Variants in WNT5B observed in about 807,000 individuals in gnomAD.
The protein encoded by WNT5B is protein Wnt-5b.
A neutral mutation model predicts 36.5 loss-of-function variants in WNT5B; 18 were observed. That is an observed-to-expected ratio of 0.49 (90% CI 0.34 to 0.73). WNT5B has a LOEUF of 0.73. Ranked by LOEUF, WNT5B falls within the 30% of genes least tolerant of loss-of-function variation. The probability of loss-of-function intolerance (pLI) is 0.01; values close to 1 mark genes in which losing one functional copy is unlikely to be tolerated. For synonymous variants in WNT5B, 213 were observed against 212.3 expected, an observed-to-expected ratio of 1.00 and a Z score of -0.03; for missense variants, 424 against 508.4, an observed-to-expected ratio of 0.83 and a Z score of 1.60.
At chr12:1,623,184 G>GGTTTTTTTTTTTTTTTTTT (rs1272170104) in intron 1 of WNT5B, among the ~76,000 whole-genome samples, 1 of 53,516 alleles carries the variant, frequency 1.9e-5, no homozygotes, top group African/African-American at 7.4e-5. Context: ...AGGGTTTTTT[G>GGTTTTTTTTTTTTTTTTTT]TTGTTTTTTT....
Position 1,646,338 on chromosome 12 carries a change from G to T in WNT5B, c.*86G>T, listed in dbSNP as rs955952092. Reference sequence around the variant, plus strand: ...ATCTATATAAATCTATTTTATATTTGTATAAGTAAATGGGTGGGTGCTATA... The same window carrying T: ...ATCTATATAAATCTATTTTATATTTTTATAAGTAAATGGGTGGGTGCTATA... On this transcript the variant is annotated 3_prime_UTR_variant, in exon 5 of 5. Transcript: ENST00000397196. 8.7e-6 allele frequency: 10 copies of T among 1,149,750 alleles called. No individual in the cohort carries two copies. The highest frequency in any genetic ancestry group is 7.9e-5 in the African/African-American group (5 of 63,380). 71.2% of individuals were successfully genotyped at this position (1,149,750 alleles called of 1,614,324 possible).
At position 1,618,851 on chromosome 12, in the gene WNT5B, C is replaced by T. The variant is rs1216633702; in HGVS notation, c.-58+1708C>T. Among the ~76,000 whole-genome samples, 1 of 152,184 alleles carries T rather than the reference C, an allele frequency of 6.6e-6. No individual in the cohort carries two copies. The highest frequency in any genetic ancestry group is 1.5e-5 in the Non-Finnish European group (1 of 68,030). ...ACAGTGCATGAGTTGGTCACTTTCA[C>T]ACTGCTCCAGGCACCAGGAGTTGGA... On this transcript the variant is annotated intron_variant, in intron 1 of 4. Coordinates refer to the WNT5B transcript ENST00000310594. This position sits in a 1 kb window ranked among gnomAD's most constrained non-coding sequence, Gnocchi z 4.1.
rs747601596 is a variant in WNT5B at position 1,632,867 on chromosome 12, C to T, written c.290C>T (p.Ala97Val). 6.2e-6 allele frequency: 10 copies of T among 1,613,868 alleles called. No homozygotes were observed. Among genetic ancestry groups the T allele is most frequent in the African/African-American group, 4.0e-5 (3 of 75,034 alleles). ...CAGCGGCGGTGGAATTGCAGCACAG[C>T]GGACAACGCATCTGTCTTTGGGAGA... ...FRQRRWNCST[A>V]DNASVFGRVM... Residue 97 changes from alanine (A) to valine (V), a missense_variant, in exon 3 of 5, where the codon GCG becomes GTG. Transcript: ENST00000397196. The surrounding 1 kb of genome is among the most constrained non-coding windows in gnomAD (Gnocchi z 5.8).
rs2094529708 is a variant in WNT5B, at chr12:1,618,408, A to T, written c.-58+1265A>T. On this transcript the variant is annotated intron_variant, in intron 1 of 4. Coordinates refer to the WNT5B transcript ENST00000310594. The surrounding 1 kb of genome is among the most constrained non-coding windows in gnomAD (Gnocchi z 4.1). The stretch of plus-strand genomic sequence containing the variant: ...TGCAGAAAACAGTAGCAATTGCACA[A>T]ATAAATGTTTTTCCCCTATAGTACA... Among the ~76,000 whole-genome samples, 1 of 152,178 alleles carries T rather than the reference A, an allele frequency of 6.6e-6. No homozygotes were observed. The highest frequency in any genetic ancestry group is 2.1e-4 in the South Asian group (1 of 4,836).
At position 1,632,509 on chromosome 12, in the gene WNT5B, G is replaced by A. The variant is rs920417261; in HGVS notation, c.81-149G>A. On this transcript the variant is annotated intron_variant, in intron 2 of 4. Coordinates refer to ENST00000397196, the MANE Select transcript of WNT5B (RefSeq NM_032642.3). This position sits in a 1 kb window ranked among gnomAD's most constrained non-coding sequence, Gnocchi z 5.8. ...GATTCCTTCAGTTTGTCCTTTGAAG[G>A]CCAGCACTCTGATTTACTAATTTTT... 1 of 1,165,498 alleles carries A rather than the reference G, an allele frequency of 8.6e-7. No homozygotes were observed. The highest frequency in any genetic ancestry group is 1.2e-6 in the Non-Finnish European group (1 of 837,454). 72.2% of individuals were successfully genotyped at this position (1,165,498 alleles called of 1,614,324 possible). A position where few individuals can be genotyped will look rare whatever the true frequency, so the allele number is the denominator to read the frequency against.
upstream of WNT5B, chr12:1,629,052 A>ATTTT (rs1287262313): frequency 7.8e-3 from 1,172 of 150,722 alleles, 14 homozygotes; most frequent in African/African-American, 0.028. Context: ...AATTTTTAAA[A>ATTTT]AAAAAAACAT....
Position 1,645,807 on chromosome 12 carries a change from T to C in WNT5B, c.635T>C (p.Met212Thr), listed in dbSNP as rs780832324. Residue 212 changes from methionine to threonine, a missense_variant, in exon 5 of 5, where the codon ATG becomes ACG. Coordinates refer to ENST00000397196, the MANE Select transcript of WNT5B (RefSeq NM_032642.3). ...NEAGRRAVYK[M>T]ADVACKCHGV... is the part of the protein sequence containing the mutation. ...CTCTTCCCCTAGGCTGTGTATAAGATGGCAGACGTAGCCTGCAAATGCCAC... is the reference window on the plus strand; with the variant it reads ...CTCTTCCCCTAGGCTGTGTATAAGACGGCAGACGTAGCCTGCAAATGCCAC... 2 of 1,587,486 alleles carry C rather than the reference T, an allele frequency of 1.3e-6. No homozygotes were observed. The highest frequency in any genetic ancestry group is 1.1e-5 in the South Asian group (1 of 87,122).
chr12:1,637,581 CAAAAAAAAA>C (rs61542245), intron 3 of WNT5B, among the ~76,000 whole-genome samples: 3 of 110,400 alleles, frequency 2.7e-5, no homozygotes, highest in African/African-American at 7.0e-5. Context: ...ACTAAACATA[CAAAAAAAAA>C]AAAAAAAAAA....
At chr12:1,639,360 G>A (rs1051112102) in intron 3 of WNT5B, among the ~76,000 whole-genome samples, 2 of 152,134 alleles carry the variant, frequency 1.3e-5, no homozygotes, top group East Asian at 1.9e-4. Context: ...GGCTGGTCTC[G>A]ATCTCCTGAC....
chr12:1,628,758 A>T (rs2094544555), upstream of WNT5B, among the ~76,000 whole-genome samples: 1 of 152,146 alleles, frequency 6.6e-6, no homozygotes, highest in Non-Finnish European at 1.5e-5. Flanking sequence ...GCCAGCATTT[A>T]CCTTTCTAAG....
chr12:1,639,694 G>C lies in WNT5B; in HGVS notation c.339G>C (p.Glu113Asp). 6.4e-7 allele frequency: 1 copy of C among 1,565,314 alleles called. No individual in the cohort carries two copies. The highest frequency in any genetic ancestry group is 8.6e-7 in the Non-Finnish European group (1 of 1,161,962). ...FGRVMQIGSRETAFTHAVSAA... is the reference protein window; with the variant it reads ...FGRVMQIGSRDTAFTHAVSAA... ...GGCCTCATTCTGCAGGCAGCCGAGA[G>C]ACCGCCTTCACCCACGCGGTGAGCG... is the stretch of plus-strand genomic sequence containing the variant. The change falls in exon 4 of 5, where the codon GAG becomes GAC. Residue 113 changes from glutamate (E) to aspartate (D), a missense_variant. By Grantham distance (45) the Glu-to-Asp change is conservative. Transcript: ENST00000397196.
At chr12:1,626,718 C>T (rs1337840895), upstream of WNT5B, among the ~76,000 whole-genome samples, 2 of 152,082 alleles carry the variant, frequency 1.3e-5, no homozygotes, top group African/African-American at 4.8e-5. Context: ...GCGCCCGCCA[C>T]CACACTGGGC....
At position 1,632,790 on chromosome 12, in the gene WNT5B, C is replaced by T; in HGVS notation, c.213C>T (p.Tyr71=). 1 of 1,614,222 alleles carries T rather than the reference C, an allele frequency of 6.2e-7. No individual in the cohort carries two copies. The highest frequency in any genetic ancestry group is 8.5e-7 in the Non-Finnish European group (1 of 1,180,036). Residue 71 remains tyrosine, a synonymous_variant, in exon 3 of 5, where the codon TAC becomes TAT. Coordinates refer to ENST00000397196, the MANE Select transcript of WNT5B (RefSeq NM_032642.3). This position sits in a 1 kb window ranked among gnomAD's most constrained non-coding sequence, Gnocchi z 5.8. The part of the protein sequence containing the change: ...LCQLYQEHMA[Y]IGEGAKTGIK... The stretch of plus-strand genomic sequence containing the variant: ...AATTGTACCAGGAGCACATGGCCTA[C>T]ATAGGGGAGGGAGCCAAGACTGGCA...
intron 3 of WNT5B, among the ~76,000 whole-genome samples, chr12:1,636,182 A>G (rs1861307240): frequency 6.6e-6 from 1 of 152,130 alleles, no homozygotes; most frequent in South Asian, 2.1e-4. Context: ...TTATTGAGAT[A>G]CATAACTCCC....
intron 1 of WNT5B, among the ~76,000 whole-genome samples, chr12:1,620,193 G>A (rs780627324): frequency 3.9e-5 from 6 of 152,132 alleles, no homozygotes; most frequent in African/African-American, 1.2e-4. Flanking sequence ...GAACTTCCTC[G>A]AGCCCCTTCC....
In WNT5B at chr12:1,636,861, G is replaced by A. The variant is rs112420958; in HGVS notation, c.329-2823G>A. On this transcript the variant is annotated intron_variant, in intron 3 of 4. Transcript: ENST00000397196. ...CTCCTGAGTAGCTGGGATTACAGGC[G>A]CCCGCCTGGCTAGTTTTTGTATTTT... 1.5e-3 allele frequency among the ~76,000 whole-genome samples: 231 copies of A among 151,880 alleles called. 1 individual carries two copies. Among genetic ancestry groups the A allele is most frequent in the African/African-American group, 5.3e-3 (218 of 41,434 alleles).
At chr12:1,636,602 G>A (rs2094562245) in intron 3 of WNT5B, among the ~76,000 whole-genome samples, 1 of 143,816 alleles carries the variant, frequency 7.0e-6, no homozygotes. Flanking sequence ...GTGCAGTGGT[G>A]TAATCATAGC....
rs1282948431 is a variant in WNT5B, at chr12:1,633,249, C to G, written c.328+344C>G. 1.3e-5 allele frequency among the ~76,000 whole-genome samples: 2 copies of G among 152,152 alleles called. No individual in the cohort carries two copies. Among genetic ancestry groups the G allele is most frequent in the Non-Finnish European group, 2.9e-5 (2 of 68,036 alleles). ...GTGGATTAGGAGAGCCGCCCACCGC[C>G]ACTGCCTTTGTGTCTCAGTGCAAAA... On this transcript the variant is annotated intron_variant, in intron 3 of 4. Coordinates refer to ENST00000397196, the MANE Select transcript of WNT5B (RefSeq NM_032642.3). This position sits in a 1 kb window ranked among gnomAD's most constrained non-coding sequence, Gnocchi z 4.8.
At position 1,631,286 on chromosome 12, in the gene WNT5B, T is replaced by C. The variant is rs1336269835; in HGVS notation, c.-57-12T>C. ...AGTTTCCACACTGACTCTCCATTTC[T>C]GTTTTCTCCAGGGAACCCTACTCTG... On this transcript the variant is annotated splice_polypyrimidine_tract_variant and intron_variant, in intron 1 of 4. Transcript: ENST00000397196. 1.3e-6 allele frequency: 2 copies of C among 1,595,510 alleles called. No individual in the cohort carries two copies. The highest frequency in any genetic ancestry group is 2.2e-5 in the East Asian group (1 of 44,486).
Sources: allele counts gnomAD v4.1 joint callset (sites outside exome capture counted in the v4.1 genomes callset), GRCh38; gene constraint gnomAD v4.1.1; non-coding constraint Gnocchi (gnomAD v3.1); transcripts MANE v1.5; gene names NCBI Gene and HGNC (gene_info 2026-07-23, HGNC 2026-07-21).